PRMT8: variants seen among roughly 807,000 people sequenced by gnomAD.
PRMT8 encodes protein arginine N-methyltransferase 8.
Under a neutral mutation model 47.1 loss-of-function variants are expected in PRMT8, and 7 were observed. The ratio of observed to expected loss-of-function variants is 0.15; its 90% CI spans 0.08 to 0.28. PRMT8 has a LOEUF of 0.28. PRMT8 is among the 10% of genes least tolerant of loss of function. The pLI is 1.00. For synonymous variants in PRMT8, 188 were observed against 186.5 expected (o/e 1.01, Z -0.07); for missense variants, 237 against 505.4 (o/e 0.47, Z 5.09).
chr12:3,446,359 C>T (rs375861975), intron 1 of PRMT8, among the ~76,000 whole-genome samples: 29 of 152,124 alleles, frequency 1.9e-4, no homozygotes, highest in African/African-American at 6.5e-4. Context: ...AGAATCCTCT[C>T]GACCTGCAGA....
chr12:3,522,068 T>C (rs995890492), intron 1 of PRMT8, among the ~76,000 whole-genome samples: 54 of 152,106 alleles, frequency 3.6e-4, no homozygotes, highest in African/African-American at 1.2e-3. Context: ...TAAACTAATC[T>C]TAGAAACTAA....
At chr12:3,475,607 T>C (rs1325560142) in intron 1 of PRMT8, among the ~76,000 whole-genome samples, 1 of 152,184 alleles carries the variant, frequency 6.6e-6, no homozygotes, top group African/African-American at 2.4e-5. Context: ...ACCTCCTGAG[T>C]TGTTAGACAT....
At chr12:3,431,360 G>A (rs1489956081) in intron 1 of PRMT8, among the ~76,000 whole-genome samples, 2 of 152,094 alleles carry the variant, frequency 1.3e-5, no homozygotes, top group Non-Finnish European at 2.9e-5. Flanking sequence ...TAGCACTTGG[G>A]GACTATTTCA....
chr12:3,579,727 G>A (rs535969597), intron 7 of PRMT8, among the ~76,000 whole-genome samples: 101 of 152,270 alleles, frequency 6.6e-4, no homozygotes, highest in African/African-American at 2.2e-3. Context: ...TATTTTCATC[G>A]CTATTAACAT....
At chr12:3,423,748 A>C (rs1453467648) in intron 1 of PRMT8, among the ~76,000 whole-genome samples, 1 of 152,168 alleles carries the variant, frequency 6.6e-6, no homozygotes, top group African/African-American at 2.4e-5. Flanking sequence ...GAATTTACCA[A>C]ATGGATTCCT....
intron 1 of PRMT8, among the ~76,000 whole-genome samples, chr12:3,524,761 C>G (rs909757801): frequency 5.9e-5 from 9 of 151,920 alleles, no homozygotes; most frequent in African/African-American, 2.2e-4. Context: ...GACCTGCCCA[C>G]TAGGGGATAA....
chr12:3,494,406 C>T (rs184375618), intron 1 of PRMT8, among the ~76,000 whole-genome samples: 1 of 152,202 alleles, frequency 6.6e-6, no homozygotes, highest in African/African-American at 2.4e-5. Flanking sequence ...TTGAGGACAC[C>T]GAGGCTGAGG....
At chr12:3,394,351 C>G (rs1864227000) in intron 1 of PRMT8, among the ~76,000 whole-genome samples, 2 of 152,130 alleles carry the variant, frequency 1.3e-5, no homozygotes, top group South Asian at 4.2e-4. Flanking sequence ...GTGGGTTTGT[C>G]ATAGATAGCT....
Position 3,564,732 on chromosome 12 carries a change from G to T in PRMT8, c.482-3974G>T, listed in dbSNP as rs1419616750. On this transcript the variant is annotated intron_variant, in intron 4 of 9. Coordinates refer to ENST00000382622, the MANE Select transcript of PRMT8 (RefSeq NM_019854.5). The surrounding 1 kb of genome is among the most constrained non-coding windows in gnomAD (Gnocchi z 4.0). ...GTTTTAGTGACTTGGGGTCCAGATT[G>T]GGCATGGAGCTCTGCAGCCTACGGC... is the stretch of plus-strand genomic sequence containing the variant. 1.3e-5 allele frequency among the ~76,000 whole-genome samples: 2 copies of T among 152,248 alleles called. No individual in the cohort carries two copies. The highest frequency in any genetic ancestry group is 2.9e-5 in the Non-Finnish European group (2 of 68,042).
In PRMT8 at chr12:3,568,628, T is replaced by A. The variant is rs182031594; in HGVS notation, c.482-78T>A. The A allele has an allele frequency of 2.3e-4, 358 of 1,539,182 alleles. 1 individual carries two copies. The African/African-American group carries it at 4.3e-3, about 18-fold the overall frequency. ...TCAGAATAGGGCTGAAACCTGGAGA[T>A]CTGGCCCTGAAGTGAGGTGCTTGTG... On this transcript the variant is annotated intron_variant, in intron 4 of 9. Transcript: ENST00000382622.
At chr12:3,473,147 A>T (rs1321369242) in intron 1 of PRMT8, among the ~76,000 whole-genome samples, 1 of 152,136 alleles carries the variant, frequency 6.6e-6, no homozygotes, top group Non-Finnish European at 1.5e-5. Flanking sequence ...TCTTGAAAGC[A>T]TCACCTGCAT....
At chr12:3,384,266 T>C (rs939484660) in intron 1 of PRMT8, among the ~76,000 whole-genome samples, 3 of 151,940 alleles carry the variant, frequency 2.0e-5, no homozygotes, top group African/African-American at 7.2e-5. Flanking sequence ...TTTTTTTTTT[T>C]CTGAGAGTTC....
At chr12:3,421,941 G>A (rs978764835) in intron 1 of PRMT8, among the ~76,000 whole-genome samples, 4 of 152,156 alleles carry the variant, frequency 2.6e-5, no homozygotes, top group African/African-American at 9.7e-5. Context: ...TACTGGGGTG[G>A]GCTCCAGCTC....
chr12:3,588,383 C>T (rs1174809125), intron 8 of PRMT8, among the ~76,000 whole-genome samples: 2 of 152,210 alleles, frequency 1.3e-5, no homozygotes, highest in African/African-American at 4.8e-5. Flanking sequence ...AGATGGGAAG[C>T]AGGATTCCAT....
intron 1 of PRMT8, chr12:3,469,069 C>G (rs958600313): frequency 5.7e-5 from 26 of 459,508 alleles, no homozygotes; most frequent in African/African-American, 4.8e-4. Flanking sequence ...AGAAATTCAT[C>G]ATTTGAAACA....
intron 8 of PRMT8, among the ~76,000 whole-genome samples, chr12:3,588,711 A>C (rs1867234901): frequency 6.6e-6 from 1 of 152,228 alleles, no homozygotes; most frequent in Admixed American, 6.5e-5. Context: ...CTCACTTCAA[A>C]ATGTAGAAGA....
At chr12:3,496,214 ATTTTTTTTTTTTT>A in intron 1 of PRMT8, among the ~76,000 whole-genome samples, 1 of 27,776 alleles carries the variant, frequency 3.6e-5, no homozygotes, top group South Asian at 2.6e-3. Flanking sequence ...ATATATATAT[ATTTTTTTTTTTTT>A]TTTTTTTTTT....
intron 1 of PRMT8, among the ~76,000 whole-genome samples, chr12:3,526,835 A>G (rs182627916): frequency 4.6e-5 from 7 of 152,184 alleles, no homozygotes; most frequent in Non-Finnish European, 8.8e-5. Flanking sequence ...TTAACATGGT[A>G]TATATCTTTT....
chr12:3,540,617 C>CCCCGCG lies in PRMT8; in HGVS notation c.90_91insGCGCCC (p.Pro30_Ser31insAlaPro). 7 of 1,137,504 alleles carry CCCCGCG rather than the reference C, an allele frequency of 6.2e-6. No individual in the cohort carries two copies. The highest frequency in any genetic ancestry group is 9.2e-6 in the Non-Finnish European group (7 of 756,918). 70.5% of individuals were successfully genotyped at this position (1,137,504 alleles called of 1,614,324 possible). A position where few individuals can be genotyped will look rare whatever the true frequency, so the allele number is the denominator to read the frequency against. On this transcript the variant is annotated inframe_insertion, in exon 2 of 10. Transcript: ENST00000382622. ...TCTCTTCCCCTCAGGTGAACAGCCC[C>CCCCGCG]CCCTCCCAGCCCCCCCAGCCCGTCG... is the stretch of plus-strand genomic sequence containing the variant.
Sources: allele counts gnomAD v4.1 joint callset (sites outside exome capture counted in the v4.1 genomes callset), GRCh38; gene constraint gnomAD v4.1.1; non-coding constraint Gnocchi (gnomAD v3.1); transcripts MANE v1.5; gene names NCBI Gene and HGNC (gene_info 2026-07-23, HGNC 2026-07-21).